The following NUP210L variants were observed in gnomAD, a reference collection of about 807,000 sequenced individuals.
NUP210L encodes nuclear pore membrane glycoprotein 210-like.
A neutral mutation model predicts 208.5 loss-of-function variants in NUP210L; 74 were observed. The ratio of observed to expected loss-of-function variants is 0.35; its 90% CI spans 0.29 to 0.43. The LOEUF (loss-of-function observed/expected upper bound fraction) is 0.43. Ranked by LOEUF, NUP210L falls within the 20% of genes least tolerant of loss-of-function variation. The pLI is 1.00. For missense variants in NUP210L, 1,843 were observed against 2,289.4 expected (o/e 0.81, Z 3.98); for synonymous variants, 780 against 816.9 (o/e 0.95, Z 0.77).
chr1:154,056,301 T>C (rs1557945295), intron 23 of NUP210L, among the ~76,000 whole-genome samples: 1 of 151,822 alleles, frequency 6.6e-6, no homozygotes, highest in Non-Finnish European at 1.5e-5. Context: ...ACCACAGGCA[T>C]GCACCACTAC....
intron 37 of NUP210L, among the ~76,000 whole-genome samples, chr1:153,999,177 G>C (rs1399188992): frequency 6.6e-6 from 1 of 152,138 alleles, no homozygotes; most frequent in Non-Finnish European, 1.5e-5. Flanking sequence ...CTATAATTTA[G>C]CTTAGATAGT....
intron 12 of NUP210L, among the ~76,000 whole-genome samples, chr1:154,113,882 C>G (rs1657177976): frequency 8.1e-6 from 1 of 123,630 alleles, no homozygotes; most frequent in Admixed American, 9.0e-5. Context: ...AAAAAAAAGC[C>G]GGGTGTGGTG....
At chr1:154,112,667 G>C in intron 12 of NUP210L, among the ~76,000 whole-genome samples, 1 of 151,972 alleles carries the variant, frequency 6.6e-6, no homozygotes. Context: ...TCCACCCTGG[G>C]CAATATAGGG....
At chr1:154,118,764 T>C in exon 11 of NUP210L, 1 of 1,594,848 alleles carries the variant, frequency 6.3e-7, no homozygotes, top group Non-Finnish European at 8.6e-7. Flanking sequence ...TCTTCACTTC[T>C]TGTTGGTGTT....
intron 14 of NUP210L, among the ~76,000 whole-genome samples, chr1:154,098,166 G>A (rs1045995224): frequency 1.3e-5 from 2 of 152,228 alleles, no homozygotes; most frequent in Non-Finnish European, 2.9e-5. Context: ...GCTAGATCAG[G>A]TGCACTGCAA....
At chr1:154,070,899 G>A (rs116920286) in intron 16 of NUP210L, among the ~76,000 whole-genome samples, 97 of 151,996 alleles carry the variant, frequency 6.4e-4, no homozygotes, top group Non-Finnish European at 1.1e-3. Flanking sequence ...CCAAAATGTC[G>A]CCCCAAAATA....
intron 16 of NUP210L, among the ~76,000 whole-genome samples, chr1:154,071,627 CTTT>C (rs893742878): frequency 3.6e-4 from 36 of 99,798 alleles, no homozygotes; most frequent in African/African-American, 1.3e-3. Context: ...CAATTCATTC[CTTT>C]TTTTTTTTTT....
intron 15 of NUP210L, 139 bp from the exon 16 acceptor site, chr1:154,089,733 A>C (rs1655809359): frequency 3.0e-6 from 2 of 666,128 alleles, no homozygotes; most frequent in South Asian, 3.8e-5. Context: ...TCCCTTAAAG[A>C]CATTATAGTT....
chr1:154,144,839 C>T (rs1659038352), intron 2 of NUP210L, among the ~76,000 whole-genome samples: 2 of 152,230 alleles, frequency 1.3e-5, no homozygotes, highest in South Asian at 2.1e-4. Flanking sequence ...TGCAGTGGCT[C>T]ACGCCTCTAA....
intron 35 of NUP210L, among the ~76,000 whole-genome samples, chr1:154,006,966 A>ATATATATATATATATTTT (rs1211789619): frequency 1.7e-5 from 2 of 115,810 alleles, no homozygotes; most frequent in African/African-American, 6.6e-5. Flanking sequence ...ATATATATAT[A>ATATATATATATATATTTT]TTTTTTTTTT....
intron 27 of NUP210L, 116 bp from the exon 28 acceptor site, chr1:154,030,170 A>G (rs1057258831): frequency 1.9e-4 from 135 of 701,330 alleles, no homozygotes; most frequent in Admixed American, 6.4e-4. Context: ...AAAGTCAGGA[A>G]AGGGTGGGAG....
intron 15 of NUP210L, among the ~76,000 whole-genome samples, chr1:154,093,873 G>T (rs1253612235): frequency 6.6e-6 from 1 of 152,164 alleles, no homozygotes; most frequent in East Asian, 1.9e-4. Context: ...AAACTCAGCT[G>T]GGTGTAGTGC....
chr1:154,154,573 AGAG>A (rs1463352229), intron 1 of NUP210L, among the ~76,000 whole-genome samples: 1 of 152,084 alleles, frequency 6.6e-6, no homozygotes, highest in South Asian at 2.1e-4. Flanking sequence ...CAACACACAC[AGAG>A]AAGAGGCCAG....
chr1:154,154,197 ATCT>A (rs757581884), intron 1 of NUP210L, among the ~76,000 whole-genome samples: 1 of 152,064 alleles, frequency 6.6e-6, no homozygotes, highest in African/African-American at 2.4e-5. Flanking sequence ...CCCACGATAA[ATCT>A]TCTCATATTC....
exon 36 of NUP210L, chr1:154,001,892 G>A: frequency 6.2e-7 from 1 of 1,614,156 alleles, no homozygotes; most frequent in Non-Finnish European, 8.5e-7. Flanking sequence ...ACTGACCAGT[G>A]TAGCCCACCC....
chr1:154,039,544 CTT>C (rs1233306005), intron 27 of NUP210L, among the ~76,000 whole-genome samples: 2 of 152,080 alleles, frequency 1.3e-5, no homozygotes, highest in Non-Finnish European at 2.9e-5. Context: ...CCTGGAAACT[CTT>C]TATTTCTCCT....
intron 12 of NUP210L, among the ~76,000 whole-genome samples, chr1:154,107,244 G>C (rs1487044443): frequency 6.6e-6 from 1 of 152,074 alleles, no homozygotes; most frequent in African/African-American, 2.4e-5. Context: ...GGGAGGCCAA[G>C]GCAAGCAGAT....
intron 27 of NUP210L, among the ~76,000 whole-genome samples, chr1:154,034,053 C>A (rs1652398640): frequency 6.6e-6 from 1 of 151,708 alleles, no homozygotes; most frequent in Non-Finnish European, 1.5e-5. Flanking sequence ...CATGAATAAT[C>A]TTTTTAATGT....
intron 15 of NUP210L, 26 bp from the exon 16 acceptor site, chr1:154,089,620 A>G: frequency 1.2e-6 from 2 of 1,600,018 alleles, no homozygotes; most frequent in Non-Finnish European, 1.7e-6. Context: ...AGAGCAAGAG[A>G]TAATTGTGGG....
Sources: gnomAD v4.1 joint callset for allele counts (sites outside exome capture counted in the v4.1 genomes callset) on GRCh38, gnomAD v4.1.1 for gene constraint, MANE v1.5 for transcripts, NCBI Gene and HGNC (gene_info 2026-07-23, HGNC 2026-07-21) for gene names.